RSPH14: variants seen among roughly 807,000 people sequenced by gnomAD.
RSPH14 encodes rhabdoid tumor deletion region gene 1.
In RSPH14, 20 loss-of-function variants were observed where a neutral mutation model predicts 26.7. The observed-to-expected ratio is 0.75, with a 90% CI of 0.53 to 1.09. The LOEUF is 1.09. Among genes scored for constraint, RSPH14 ranks in the 50% least tolerant of loss-of-function variants. RSPH14 has a pLI of 0.00. For synonymous variants in RSPH14, 177 were observed against 189.3 expected (o/e 0.93, Z 0.53); for missense variants, 449 against 457.2 (o/e 0.98, Z 0.16).
At chr22:23,131,774 C>A in intron 4 of RSPH14, 1 of 496,712 alleles carries the variant, frequency 2.0e-6, no homozygotes, top group South Asian at 1.6e-5. Flanking sequence ...CTGGGGCATG[C>A]ATGACTGTCA....
At chr22:23,089,727 G>A (rs2068912999) in intron 4 of RSPH14, among the ~76,000 whole-genome samples, 1 of 152,202 alleles carries the variant, frequency 6.6e-6, no homozygotes, top group Non-Finnish European at 1.5e-5. Flanking sequence ...TGTGTGGGCT[G>A]AAGGATCTGT....
intron 3 of RSPH14, among the ~76,000 whole-genome samples, chr22:23,137,422 G>T (rs1201985746): frequency 6.6e-6 from 1 of 151,388 alleles, no homozygotes; most frequent in Non-Finnish European, 1.5e-5. Flanking sequence ...GCCCAGGGCT[G>T]CTATCCTCAT....
the RSPH14 span, chr22:23,152,994 G>A: frequency 1.4e-6 from 2 of 1,447,666 alleles, no homozygotes; most frequent in Non-Finnish European, 1.9e-6. Context: ...GCACATTTCT[G>A]TGAGTACACC....
Position 23,113,774 on chromosome 22 carries a change from G to A in RSPH14, c.421+20252C>T, listed in dbSNP as rs532969486. On this transcript the variant is annotated intron_variant, in intron 4 of 6. Transcript: ENST00000216036. ...GAATGCCTGTGTCCCAGACCCCCTC[G>A]GCAGCACTCAGGATGGCCCAGGCAG... 3.1e-4 allele frequency among the ~76,000 whole-genome samples: 47 copies of A among 152,346 alleles called. No individual in the cohort carries two copies. In the Middle Eastern group the frequency reaches 0.014, roughly 44 times the overall value.
At position 23,131,646 on chromosome 22, in the gene RSPH14, G is replaced by A. The variant is rs140619734; in HGVS notation, c.421+2380C>T. 2.0e-3 allele frequency: 2,599 copies of A among 1,304,044 alleles called. 3 individuals carry two copies. Among genetic ancestry groups the A allele is most frequent in the Non-Finnish European group, 2.5e-3 (2,435 of 988,744 alleles). The allele number at this position is 1,304,044 out of a possible 1,614,324, so 80.8% of individuals were successfully genotyped here. A position where few individuals can be genotyped will look rare whatever the true frequency, so the allele number is the denominator to read the frequency against. On this transcript the variant is annotated intron_variant, in intron 4 of 6. Transcript: ENST00000216036. The stretch of plus-strand genomic sequence containing the variant: ...CCCTGTCTCCACACTCCAAGAATGA[G>A]GGGACTAGACCCTCGCTTATTCCTC...
the RSPH14 span, among the ~76,000 whole-genome samples, chr22:23,166,179 GAGT>G: frequency 7.5e-6 from 1 of 133,244 alleles, no homozygotes; most frequent in African/African-American, 3.0e-5. Context: ...AAAAAAAAAG[GAGT>G]GTTTCCAGAG....
chr22:23,156,671 C>A, the RSPH14 span, among the ~76,000 whole-genome samples: 15 of 152,232 alleles, frequency 9.9e-5, no homozygotes, highest in Non-Finnish European at 1.5e-5. Context: ...TATGTCTACT[C>A]GGTAGTGGTG....
At chr22:23,073,033 A>G (rs1459459411) in intron 4 of RSPH14, among the ~76,000 whole-genome samples, 1 of 152,256 alleles carries the variant, frequency 6.6e-6, no homozygotes. Context: ...GAATTTAGTC[A>G]TCTTGTGTGT....
At chr22:23,092,502 C>T (rs1261125611) in intron 4 of RSPH14, among the ~76,000 whole-genome samples, 1 of 152,162 alleles carries the variant, frequency 6.6e-6, no homozygotes, top group East Asian at 1.9e-4. Flanking sequence ...AGGGGACCTC[C>T]CCTTGGTTGT....
intron 4 of RSPH14, chr22:23,132,802 C>G (rs551020510): frequency 6.6e-6 from 1 of 151,962 alleles, no homozygotes; most frequent in African/African-American, 2.4e-5. Context: ...CATTACTGAT[C>G]GGCACAGGAG....
chr22:23,101,663 G>A (rs2069306296), intron 4 of RSPH14, among the ~76,000 whole-genome samples: 1 of 152,226 alleles, frequency 6.6e-6, no homozygotes, highest in African/African-American at 2.4e-5. Context: ...TTCTGATCTT[G>A]CAATGTGCCA....
At chr22:23,137,665 C>T (rs1318120861) in intron 3 of RSPH14, 1 of 543,454 alleles carries the variant, frequency 1.8e-6, no homozygotes, top group Non-Finnish European at 3.3e-6. Flanking sequence ...AGCACCTTGC[C>T]TTTCTTGTCT....
At chr22:23,156,746 C>T in the RSPH14 span, among the ~76,000 whole-genome samples, 65 of 152,222 alleles carry the variant, frequency 4.3e-4, 1 homozygote, top group African/African-American at 1.4e-3. Context: ...CCAGGCAGCC[C>T]TCAGCCGTGG....
the RSPH14 span, chr22:23,158,925 G>A: frequency 6.2e-7 from 1 of 1,614,198 alleles, no homozygotes; most frequent in South Asian, 1.1e-5. Flanking sequence ...CTCTGAGGGA[G>A]AACGAGGCAG....
the RSPH14 span, chr22:23,162,372 C>T: frequency 3.0e-6 from 1 of 337,608 alleles, no homozygotes; most frequent in South Asian, 2.3e-5. Flanking sequence ...TAGGGTAACT[C>T]ACTCTGCAGC....
At chr22:23,073,631 C>A (rs1455317738) in intron 4 of RSPH14, among the ~76,000 whole-genome samples, 2 of 152,246 alleles carry the variant, frequency 1.3e-5, no homozygotes, top group Non-Finnish European at 2.9e-5. Context: ...AGGGGAGGCG[C>A]TTCACAGGAT....
At chr22:23,087,179 T>G (rs1245500443) in intron 4 of RSPH14, among the ~76,000 whole-genome samples, 3 of 152,090 alleles carry the variant, frequency 2.0e-5, no homozygotes, top group Non-Finnish European at 4.4e-5. Context: ...CTTTAAGAGA[T>G]GATAGAATGA....
At chr22:23,133,950 T>C (rs771602746) in intron 4 of RSPH14, 76 bp downstream of exon 4, 13 of 957,524 alleles carry the variant, frequency 1.4e-5, no homozygotes, top group Non-Finnish European at 2.2e-5. Flanking sequence ...TACACCCTGG[T>C]ACATATGTGA....
At chr22:23,124,318 A>G (rs1405301060) in intron 4 of RSPH14, 1 of 360,550 alleles carries the variant, frequency 2.8e-6, no homozygotes, top group South Asian at 2.0e-5. Context: ...TTTTCAAAAC[A>G]TATTTTTTTT....
Sources: gnomAD v4.1 joint callset for allele counts (sites outside exome capture counted in the v4.1 genomes callset) on GRCh38, gnomAD v4.1.1 for gene constraint, MANE v1.5 for transcripts, NCBI Gene and HGNC (gene_info 2026-07-23, HGNC 2026-07-21) for gene names.